The following TNRC18 variants were observed in gnomAD, a reference collection of about 807,000 sequenced individuals.
The protein encoded by TNRC18 is trinucleotide repeat-containing gene 18 protein.
In TNRC18, 69 loss-of-function variants were observed where a neutral mutation model predicts 226.7. That is an observed-to-expected ratio of 0.30 (90% CI 0.25 to 0.37). The LOEUF (loss-of-function observed/expected upper bound fraction) is 0.37, where lower values mean the gene tolerates loss of function less well. Among genes scored for constraint, TNRC18 ranks in the 10% least tolerant of loss-of-function variants. The pLI is 1.00. For missense variants in TNRC18, 4,754 were observed against 4,256.6 expected (o/e 1.12, Z -3.25); for synonymous variants, 2,449 against 1,927.6 (o/e 1.27, Z -7.09).
In TNRC18 at chr7:5,311,002, G is replaced by A. The variant is rs566181685; in HGVS notation, c.8388+1501C>T. ...TGCACGTGCATGGATGCACGTGCACGCATGTATGTGCCTACGTTTGTGTAC... is the reference window on the plus strand; with the variant it reads ...TGCACGTGCATGGATGCACGTGCACACATGTATGTGCCTACGTTTGTGTAC... On this transcript the variant is annotated intron_variant, in intron 27 of 29. Coordinates refer to ENST00000430969, the MANE Select transcript of TNRC18 (RefSeq NM_001080495.3). Among the ~76,000 whole-genome samples the A allele has an allele frequency of 9.0e-4, 136 of 151,824 alleles. 3 individuals are homozygous for A. The South Asian group carries it at 0.014, about 16-fold the overall frequency.
rs748821317 is a variant in TNRC18, at chr7:5,312,980, A to AGAG, written c.7908_7910dup (p.Ser2671dup). ...ACGAAGAGGAAGAGGAGGAGGAGGA[A>AGAG]GAGGAGGAGGAGGAAGAGGAGGATG... is the stretch of plus-strand genomic sequence containing the variant. On this transcript the variant is annotated inframe_insertion, in exon 27 of 30. Coordinates refer to ENST00000430969, the MANE Select transcript of TNRC18 (RefSeq NM_001080495.3). This position sits in a 1 kb window ranked among gnomAD's most constrained non-coding sequence, Gnocchi z 6.3. The AGAG allele has an allele frequency of 1.4e-5, 13 of 949,316 alleles. No individual in the cohort carries two copies. The African/African-American group carries it at 2.0e-4, about 14-fold the overall frequency. 58.8% of individuals were successfully genotyped at this position (949,316 alleles called of 1,614,324 possible). A position where few individuals can be genotyped will look rare whatever the true frequency, so the allele number is the denominator to read the frequency against.
At chr7:5,356,686 AC>A (rs1448874755) in intron 16 of TNRC18, among the ~76,000 whole-genome samples, 3 of 151,740 alleles carry the variant, frequency 2.0e-5, no homozygotes, top group African/African-American at 4.8e-5. Context: ...AATCACAAGC[AC>A]CTGCCTGGCA....
intron 18 of TNRC18, among the ~76,000 whole-genome samples, chr7:5,339,219 C>T (rs1026838310): frequency 1.6e-5 from 2 of 127,540 alleles, no homozygotes; most frequent in Non-Finnish European, 3.6e-5. Context: ...TTTTTTGTTT[C>T]TTTTTTTTTC....
At chr7:5,368,455 G>T (rs957097647) in intron 11 of TNRC18, among the ~76,000 whole-genome samples, 10 of 152,092 alleles carry the variant, frequency 6.6e-5, no homozygotes, top group Admixed American at 1.3e-4. Context: ...TTGAGGTCAG[G>T]AGTACGAGAC....
At chr7:5,335,714 C>T (rs1790032128) in intron 18 of TNRC18, among the ~76,000 whole-genome samples, 1 of 151,592 alleles carries the variant, frequency 6.6e-6, no homozygotes, top group Non-Finnish European at 1.5e-5. Flanking sequence ...GAATAGACTC[C>T]AAGCAGCCCA....
At chr7:5,315,261 G>C in intron 25 of TNRC18, 113 bp from the exon 26 acceptor site, 1 of 1,193,798 alleles carries the variant, frequency 8.4e-7, no homozygotes, top group Non-Finnish European at 1.1e-6. Context: ...ACCGACACCA[G>C]GTGGCTGACC....
chr7:5,378,774 C>A (rs1211479928), intron 5 of TNRC18, among the ~76,000 whole-genome samples: 1 of 151,920 alleles, frequency 6.6e-6, no homozygotes, highest in Non-Finnish European at 1.5e-5. Flanking sequence ...TTGGTGAGGA[C>A]AGGGCAGAGT....
intron 16 of TNRC18, among the ~76,000 whole-genome samples, chr7:5,355,619 T>C (rs1229971277): frequency 3.3e-5 from 5 of 152,082 alleles, no homozygotes; most frequent in African/African-American, 1.2e-4. Flanking sequence ...CACGTGGTGG[T>C]ACACAGCTGT....
intron 17 of TNRC18, among the ~76,000 whole-genome samples, chr7:5,351,503 AG>A (rs1215364779): frequency 8.4e-5 from 5 of 59,596 alleles, no homozygotes; most frequent in Admixed American, 8.3e-4. Flanking sequence ...AACTCGGGGG[AG>A]GGGGAGGAGG....
At chr7:5,396,272 C>A (rs1780682098) in intron 2 of TNRC18, among the ~76,000 whole-genome samples, 1 of 151,208 alleles carries the variant, frequency 6.6e-6, no homozygotes, top group Admixed American at 6.6e-5. Context: ...CACTTGAACC[C>A]AGGAGGTGGA....
At chr7:5,409,826 A>C (rs1781726883) in intron 2 of TNRC18, among the ~76,000 whole-genome samples, 1 of 145,400 alleles carries the variant, frequency 6.9e-6, no homozygotes, top group Non-Finnish European at 1.5e-5. Context: ...AAAAAAAAAA[A>C]AAAAAATACA....
chr7:5,332,490 C>T (rs1322381540), intron 19 of TNRC18, 132 bp downstream of exon 19: 11 of 1,003,764 alleles, frequency 1.1e-5, no homozygotes, highest in Middle Eastern at 3.3e-4. Flanking sequence ...GCAGGGGCTC[C>T]GGGCGGGCCT....
intron 2 of TNRC18, among the ~76,000 whole-genome samples, chr7:5,418,261 A>G (rs1782314554): frequency 6.6e-6 from 1 of 152,228 alleles, no homozygotes; most frequent in African/African-American, 2.4e-5. Flanking sequence ...TTTGTTCACA[A>G]TGTAGCAAGG....
chr7:5,326,060 C>T (rs1052418342), intron 19 of TNRC18, among the ~76,000 whole-genome samples: 2 of 151,916 alleles, frequency 1.3e-5, no homozygotes, highest in African/African-American at 4.8e-5. Flanking sequence ...TTACTTGTTG[C>T]CCCGTCTGCC....
At position 5,421,384 on chromosome 7, in the gene TNRC18, G is replaced by A. The variant is rs906102761; in HGVS notation, c.-138C>T. Reference sequence around the variant, plus strand: ...GCGGCGTGCATGGCGGCGGCCAGCGGGGCTTGCGCTCGGCGGCGGGCCCGC... The same window carrying A: ...GCGGCGTGCATGGCGGCGGCCAGCGAGGCTTGCGCTCGGCGGCGGGCCCGC... On this transcript the variant is annotated 5_prime_UTR_variant, in exon 2 of 30. Coordinates refer to ENST00000430969, the MANE Select transcript of TNRC18 (RefSeq NM_001080495.3). 1.3e-4 allele frequency: 106 copies of A among 843,908 alleles called. No homozygotes were observed. The highest frequency in any genetic ancestry group is 1.5e-4 in the Non-Finnish European group (98 of 657,786). 52.3% of individuals were successfully genotyped at this position (843,908 alleles called of 1,614,324 possible).
chr7:5,407,748 C>T (rs1781572795), intron 2 of TNRC18, among the ~76,000 whole-genome samples: 1 of 152,226 alleles, frequency 6.6e-6, no homozygotes, highest in Non-Finnish European at 1.5e-5. Context: ...GCCCCTAGGG[C>T]TCCAGACTTT....
Position 5,423,610 on chromosome 7 carries a change from G to C in TNRC18, c.-413C>G, listed in dbSNP as rs1782698912. 1 of 151,596 alleles carries C rather than the reference G, an allele frequency of 6.6e-6. No homozygotes were observed. Among genetic ancestry groups the C allele is most frequent in the African/African-American group, 2.4e-5 (1 of 41,384 alleles). 9.4% of individuals were successfully genotyped at this position (151,596 alleles called of 1,614,324 possible). On this transcript the variant is annotated 5_prime_UTR_variant, in exon 1 of 30. Transcript: ENST00000430969. Reference sequence around the variant, plus strand: ...TTGCCCGCCTTTCCTTTTTTTGGTAGAAAACCGCTCCCCGGGCCGAGCGCT... The same window carrying C: ...TTGCCCGCCTTTCCTTTTTTTGGTACAAAACCGCTCCCCGGGCCGAGCGCT...
At chr7:5,311,323 G>A (rs1010905326) in intron 27 of TNRC18, among the ~76,000 whole-genome samples, 1 of 152,258 alleles carries the variant, frequency 6.6e-6, no homozygotes, top group African/African-American at 2.4e-5. Context: ...TGCAGGCAGG[G>A]CACACGGGAC....
chr7:5,385,904 A>G (rs1005618607), intron 5 of TNRC18, among the ~76,000 whole-genome samples: 1 of 145,906 alleles, frequency 6.9e-6, no homozygotes, highest in Admixed American at 7.1e-5. Flanking sequence ...AATCACTTGA[A>G]CCCAGGAGGC....
Sources: gnomAD v4.1 joint callset for allele counts (sites outside exome capture counted in the v4.1 genomes callset) on GRCh38, gnomAD v4.1.1 for gene constraint, Gnocchi (gnomAD v3.1) non-coding constraint, MANE v1.5 for transcripts, NCBI Gene and HGNC (gene_info 2026-07-23, HGNC 2026-07-21) for gene names.